WDR27: variants seen among roughly 807,000 people sequenced by gnomAD.
WDR27 encodes the protein WD repeat-containing protein 27.
A neutral mutation model predicts 114.4 loss-of-function variants in WDR27; 100 were observed. That is an observed-to-expected ratio of 0.87 (90% CI 0.74 to 1.03). The LOEUF (loss-of-function observed/expected upper bound fraction) is 1.03. Among genes scored for constraint, WDR27 ranks in the 50% least tolerant of loss-of-function variants. The pLI is 0.00. For missense variants in WDR27, 1,129 were observed against 1,092.9 expected, an observed-to-expected ratio of 1.03 and a Z score of -0.47; for synonymous variants, 449 against 423.1, an observed-to-expected ratio of 1.06 and a Z score of -0.75.
chr6:169,494,979 A>G (rs1790215160), intron 25 of WDR27, among the ~76,000 whole-genome samples: 1 of 152,346 alleles, frequency 6.6e-6, no homozygotes, highest in Admixed American at 6.5e-5. Flanking sequence ...CACAAACATT[A>G]AAAACCACAT....
At chr6:169,664,900 G>A (rs6906997) in intron 7 of WDR27, 17,719 of 808,172 alleles carry the variant, frequency 0.022, 744 homozygotes, top group African/African-American at 0.17. Context: ...TCCGGGGCGC[G>A]GGCAGCGTGC....
At chr6:169,548,352 CA>C (rs942926895) in intron 25 of WDR27, among the ~76,000 whole-genome samples, 4 of 151,746 alleles carry the variant, frequency 2.6e-5, no homozygotes, top group East Asian at 1.9e-4. Flanking sequence ...CATAGAAAGG[CA>C]AAAAAACTAT....
chr6:169,535,956 T>C (rs1235898650), intron 25 of WDR27, among the ~76,000 whole-genome samples: 2 of 152,228 alleles, frequency 1.3e-5, no homozygotes, highest in African/African-American at 4.8e-5. Flanking sequence ...TCCAATACTG[T>C]TCCCACATAC....
At chr6:169,661,462 T>C (rs1826085839) in intron 9 of WDR27, among the ~76,000 whole-genome samples, 1 of 152,166 alleles carries the variant, frequency 6.6e-6, no homozygotes, top group South Asian at 2.1e-4. Context: ...AGCTGGAACC[T>C]GCTTTCCAGA....
chr6:169,516,001 T>G (rs1237350049), intron 25 of WDR27, among the ~76,000 whole-genome samples: 2 of 152,140 alleles, frequency 1.3e-5, no homozygotes, highest in Admixed American at 6.6e-5. Flanking sequence ...TGTGAATAAG[T>G]AACTCCAGCA....
intron 25 of WDR27, chr6:169,559,483 C>T (rs142104684): frequency 5.1e-4 from 77 of 152,206 alleles, no homozygotes; most frequent in African/African-American, 1.7e-3. Context: ...TTTGAAACCA[C>T]TCAGGGACTA....
At chr6:169,660,823 C>T in intron 9 of WDR27, 57 bp from the exon 10 acceptor site, 1 of 1,510,590 alleles carries the variant, frequency 6.6e-7, no homozygotes, top group Non-Finnish European at 9.1e-7. Context: ...GAAGGTTGGG[C>T]CCCACGTGCG....
At chr6:169,467,320 C>T (rs1785719377) in intron 25 of WDR27, among the ~76,000 whole-genome samples, 1 of 152,188 alleles carries the variant, frequency 6.6e-6, no homozygotes, top group Non-Finnish European at 1.5e-5. Context: ...CTCCACTAGG[C>T]AGTGCCCCAG....
chr6:169,502,694 C>T (rs1040737153), intron 25 of WDR27, among the ~76,000 whole-genome samples: 7 of 152,122 alleles, frequency 4.6e-5, no homozygotes, highest in South Asian at 4.1e-4. Context: ...TAAGCTCCCT[C>T]GTGATCGCAC....
At chr6:169,427,270 G>A in the WDR27 span, among the ~76,000 whole-genome samples, 11 of 152,302 alleles carry the variant, frequency 7.2e-5, no homozygotes, top group Middle Eastern at 3.4e-3. Flanking sequence ...AGCAAAGTAG[G>A]TGGATCTGAG....
At chr6:169,670,511 C>A (rs1778425925) in intron 4 of WDR27, 58 bp downstream of exon 4, 2 of 1,605,910 alleles carry the variant, frequency 1.2e-6, no homozygotes, top group African/African-American at 1.3e-5. Flanking sequence ...GGTCCCAGAA[C>A]CTGGGAGGCC....
chr6:169,578,301 A>C (rs1802784945), intron 24 of WDR27, among the ~76,000 whole-genome samples: 1 of 152,216 alleles, frequency 6.6e-6, no homozygotes, highest in South Asian at 2.1e-4. Flanking sequence ...CGTTTGGGAT[A>C]TAAAAACAAT....
chr6:169,496,145 AAC>A (rs1790375142), intron 25 of WDR27, among the ~76,000 whole-genome samples: 1 of 152,148 alleles, frequency 6.6e-6, no homozygotes, highest in Non-Finnish European at 1.5e-5. Context: ...ATACCACATT[AAC>A]AGAATGAATG....
At chr6:169,491,762 G>A (rs1424266236) in intron 25 of WDR27, among the ~76,000 whole-genome samples, 3 of 152,102 alleles carry the variant, frequency 2.0e-5, no homozygotes, top group African/African-American at 4.8e-5. Context: ...CTCAACAGCA[G>A]GTCCAAGGAG....
chr6:169,549,771 T>A (rs1293774323), intron 25 of WDR27, among the ~76,000 whole-genome samples: 2 of 152,202 alleles, frequency 1.3e-5, no homozygotes, highest in East Asian at 3.9e-4. Context: ...GATGCCAATC[T>A]GAATAGGCTG....
At chr6:169,649,634 T>C (rs974966977) in intron 14 of WDR27, among the ~76,000 whole-genome samples, 3 of 152,002 alleles carry the variant, frequency 2.0e-5, no homozygotes, top group African/African-American at 4.8e-5. Context: ...CTGACACTGA[T>C]GACATGCCTT....
At chr6:169,468,177 C>G (rs1367741521) in intron 25 of WDR27, among the ~76,000 whole-genome samples, 1 of 152,228 alleles carries the variant, frequency 6.6e-6, no homozygotes, top group Non-Finnish European at 1.5e-5. Context: ...ACTTCATTGT[C>G]CATCATTGTC....
At chr6:169,656,477 G>A (rs939628244) in intron 13 of WDR27, among the ~76,000 whole-genome samples, 4 of 152,128 alleles carry the variant, frequency 2.6e-5, no homozygotes, top group African/African-American at 7.2e-5. Flanking sequence ...ATGGTAGGAG[G>A]TGAGACTGAC....
At chr6:169,494,989 T>C (rs1650455567) in intron 25 of WDR27, among the ~76,000 whole-genome samples, 1 of 152,186 alleles carries the variant, frequency 6.6e-6, no homozygotes, top group South Asian at 2.1e-4. Context: ...AAAAACCACA[T>C]ACACATTACC....
Sources: gnomAD v4.1 joint callset for allele counts (sites outside exome capture counted in the v4.1 genomes callset) on GRCh38, gnomAD v4.1.1 for gene constraint, MANE v1.5 for transcripts, NCBI Gene and HGNC (gene_info 2026-07-23, HGNC 2026-07-21) for gene names.